PROM1: variants seen among roughly 807,000 people sequenced by gnomAD.
PROM1 encodes the protein prominin 1.
Under a neutral mutation model 116.9 loss-of-function variants are expected in PROM1, and 105 were observed. That is an observed-to-expected ratio of 0.90 (90% CI 0.77 to 1.06). PROM1 has a LOEUF of 1.06. Among genes scored for constraint, PROM1 ranks in the 50% least tolerant of loss-of-function variants. The pLI is 0.00. For missense variants in PROM1, 1,122 were observed against 1,045.2 expected (o/e 1.07, Z -1.01); for synonymous variants, 393 against 387.0 (o/e 1.02, Z -0.18).
Position 16,016,258 on chromosome 4 carries a change from A to T in PROM1, c.1003-18T>A. 6.5e-7 allele frequency: 1 copy of T among 1,538,596 alleles called. No homozygotes were observed. Among genetic ancestry groups the T allele is most frequent in the Non-Finnish European group, 8.8e-7 (1 of 1,137,918 alleles). The stretch of plus-strand genomic sequence containing the variant: ...GGTGGAAGCTGAAAATTTATAAAAC[A>T]AAATATAAGACAAGGTTGTTACCTT... On this transcript the variant is annotated intron_variant, in intron 9 of 27. Transcript: ENST00000447510.
intron 2 of PROM1, 130 bp from the exon 3 acceptor site, chr4:16,039,131 T>C: frequency 1.3e-6 from 1 of 757,908 alleles, no homozygotes; most frequent in Non-Finnish European, 1.8e-6. Context: ...AATTTTATTC[T>C]TATTTCTTAA....
intron 2 of PROM1, among the ~76,000 whole-genome samples, chr4:16,049,452 T>C (rs2149462600): frequency 6.6e-6 from 1 of 152,330 alleles, no homozygotes; most frequent in South Asian, 2.1e-4. Flanking sequence ...AAATTTGTTT[T>C]AATTAAATGT....
chr4:16,068,550 G>A (rs1742071490), intron 2 of PROM1, among the ~76,000 whole-genome samples: 1 of 152,134 alleles, frequency 6.6e-6, no homozygotes, highest in Non-Finnish European at 1.5e-5. Context: ...TCAACTTTGT[G>A]TTCTTTGTTT....
At chr4:15,989,328 G>C (rs779340447) in intron 19 of PROM1, among the ~76,000 whole-genome samples, 1 of 131,896 alleles carries the variant, frequency 7.6e-6, no homozygotes, top group South Asian at 2.5e-4. Flanking sequence ...CGCCCATCGA[G>C]ACAGCAGACA....
chr4:16,023,906 T>C (rs1052348224), intron 7 of PROM1, among the ~76,000 whole-genome samples: 20 of 152,188 alleles, frequency 1.3e-4, no homozygotes, highest in African/African-American at 4.3e-4. Context: ...AACCGTGGCA[T>C]GCAGGGTTGA....
At chr4:16,003,139 T>C in intron 13 of PROM1, 1 of 371,914 alleles carries the variant, frequency 2.7e-6, no homozygotes, top group Non-Finnish European at 5.5e-6. Flanking sequence ...TGCATTATCT[T>C]AGAAACTTTT....
intron 13 of PROM1, among the ~76,000 whole-genome samples, chr4:16,004,483 C>T (rs1231538630): frequency 6.6e-6 from 1 of 151,960 alleles, no homozygotes; most frequent in Non-Finnish European, 1.5e-5. Flanking sequence ...ATGAGGGGTG[C>T]ACCATTTTTC....
intron 23 of PROM1, among the ~76,000 whole-genome samples, chr4:15,981,503 C>T (rs778469835): frequency 9.9e-5 from 15 of 150,922 alleles, no homozygotes; most frequent in Non-Finnish European, 1.8e-4. Flanking sequence ...ACCCAGGAGG[C>T]GGAGGTTGCA....
intron 13 of PROM1, among the ~76,000 whole-genome samples, chr4:16,000,998 C>G (rs960118340): frequency 3.3e-5 from 5 of 152,166 alleles, no homozygotes; most frequent in African/African-American, 1.2e-4. Context: ...GAGCACAACC[C>G]GACTTCTCTC....
rs780697796 is a variant in PROM1, at chr4:16,033,377, G to T, written c.436C>A (p.Arg146=). 9 of 1,613,520 alleles carry T rather than the reference G, an allele frequency of 5.6e-6. No individual in the cohort carries two copies. Among genetic ancestry groups the T allele is most frequent in the Non-Finnish European group, 7.6e-6 (9 of 1,179,804 alleles). Residue 146 remains arginine (R), a synonymous_variant, in exon 5 of 28, where the codon CGA becomes AGA. Coordinates refer to ENST00000447510, the MANE Select transcript of PROM1 (RefSeq NM_006017.3). ...CNKCGGEMHQ[R]QKENGPFLRK... is the part of the protein sequence containing the mutation. The stretch of plus-strand genomic sequence containing the variant: ...AGGAAGGGCCCATTTTCCTTCTGTC[G>T]CTGGTGCATTTCTCCACCACATTTG...
At chr4:16,076,146 T>A in intron 1 of PROM1, 28 bp from the exon 2 acceptor site, 1 of 735,860 alleles carries the variant, frequency 1.4e-6, no homozygotes, top group Non-Finnish European at 2.0e-6. Flanking sequence ...AGCAGCAGAG[T>A]CATCAATGCG....
At chr4:16,076,854 C>CAAG (rs1403371932) in intron 1 of PROM1, among the ~76,000 whole-genome samples, 4 of 152,192 alleles carry the variant, frequency 2.6e-5, no homozygotes, top group African/African-American at 4.8e-5. Context: ...AAGGGCTGTG[C>CAAG]AAGATGTGCT....
chr4:15,990,268 C>A (rs902521831), intron 18 of PROM1, among the ~76,000 whole-genome samples: 3 of 152,206 alleles, frequency 2.0e-5, no homozygotes, highest in Admixed American at 2.0e-4. Flanking sequence ...AATAACTTGC[C>A]TAAGCTCCTA....
chr4:16,056,555 T>C (rs1739065436), intron 2 of PROM1, among the ~76,000 whole-genome samples: 1 of 149,104 alleles, frequency 6.7e-6, no homozygotes, highest in African/African-American at 2.5e-5. Context: ...ATAAATGCTA[T>C]AAAGAAAAAT....
chr4:15,977,977 T>A (rs1716655911), intron 26 of PROM1, among the ~76,000 whole-genome samples: 1 of 152,180 alleles, frequency 6.6e-6, no homozygotes, highest in Non-Finnish European at 1.5e-5. Context: ...TACATTGACG[T>A]CATAATCACG....
intron 2 of PROM1, among the ~76,000 whole-genome samples, chr4:16,072,827 T>C (rs1318802523): frequency 2.0e-5 from 3 of 152,186 alleles, no homozygotes; most frequent in Non-Finnish European, 4.4e-5. Flanking sequence ...GCAGAGTACT[T>C]TGCAGACCCT....
intron 23 of PROM1, among the ~76,000 whole-genome samples, chr4:15,983,579 C>T (rs1718522457): frequency 1.3e-5 from 2 of 152,086 alleles, no homozygotes; most frequent in South Asian, 4.1e-4. Context: ...ACGGCATGTG[C>T]ATGGGCCCTA....
intron 26 of PROM1, among the ~76,000 whole-genome samples, chr4:15,972,827 T>C (rs1714947776): frequency 6.6e-6 from 1 of 152,210 alleles, no homozygotes; most frequent in African/African-American, 2.4e-5. Flanking sequence ...CACACACTGA[T>C]GACAGTACTT....
rs549278018 is a variant in PROM1, at chr4:16,075,928, A to G, written c.-22T>C. 1.2e-5 allele frequency: 19 copies of G among 1,585,164 alleles called. 1 individual carries two copies. The Admixed American group carries it at 2.1e-4, about 18-fold the overall frequency. On this transcript the variant is annotated 5_prime_UTR_variant, in exon 2 of 28. It removes an upstream start codon present in the reference 5' UTR. Transcript: ENST00000447510. ...CCATAGCTAGCAAGATCCTCCAAACATGAGGTAGAACTTGGTGCCTCCTGC... is the reference window on the plus strand; with the variant it reads ...CCATAGCTAGCAAGATCCTCCAAACGTGAGGTAGAACTTGGTGCCTCCTGC...
Sources: gnomAD v4.1 joint callset for allele counts (sites outside exome capture counted in the v4.1 genomes callset) on GRCh38, gnomAD v4.1.1 for gene constraint, MANE v1.5 for transcripts, NCBI Gene and HGNC (gene_info 2026-07-23, HGNC 2026-07-21) for gene names.